FMN1: variants seen among roughly 807,000 people sequenced by gnomAD.
The protein encoded by FMN1 is formin-1.
FMN1 carries 110 observed loss-of-function variants against 132.4 expected under a neutral mutation model. That is an observed-to-expected ratio of 0.83 (90% CI 0.71 to 0.97). The LOEUF (loss-of-function observed/expected upper bound fraction) is 0.97. Ranked by LOEUF, FMN1 falls within the 50% of genes least tolerant of loss-of-function variation. FMN1 has a pLI of 0.00. For missense variants in FMN1, 1,792 were observed against 1,705.3 expected (o/e 1.05, Z -0.90); for synonymous variants, 722 against 651.7 (o/e 1.11, Z -1.64).
intron 4 of FMN1, among the ~76,000 whole-genome samples, chr15:33,123,161 C>T (rs901979596): frequency 2.6e-5 from 4 of 151,488 alleles, no homozygotes; most frequent in Non-Finnish European, 5.9e-5. Flanking sequence ...GCAATGTTTT[C>T]ACATCCATCC....
intron 4 of FMN1, among the ~76,000 whole-genome samples, chr15:33,135,108 CA>C (rs1238740246): frequency 6.6e-6 from 1 of 152,174 alleles, no homozygotes; most frequent in Non-Finnish European, 1.5e-5. Context: ...TTTCTCCCTT[CA>C]TATTATCTTC....
chr15:33,067,919 G>C (rs755979912), intron 5 of FMN1: 1 of 1,571,440 alleles, frequency 6.4e-7, no homozygotes, highest in Non-Finnish European at 8.6e-7. Flanking sequence ...GTTCTGACTT[G>C]TGTTACCTTC....
intron 6 of FMN1, among the ~76,000 whole-genome samples, chr15:33,041,454 G>T (rs553144210): frequency 8.3e-6 from 1 of 120,250 alleles, no homozygotes; most frequent in Admixed American, 9.6e-5. Context: ...GCTTTCTTTC[G>T]ACGTTCCTCA....
intron 19 of FMN1, 113 bp downstream of exon 19, chr15:32,798,691 C>T (rs1319001301): frequency 2.0e-6 from 2 of 1,023,208 alleles, no homozygotes; most frequent in African/African-American, 3.3e-5. Flanking sequence ...CCTATGACCA[C>T]TTCATCCGAA....
chr15:33,120,528 G>A (rs1208832088), intron 4 of FMN1, among the ~76,000 whole-genome samples: 1 of 152,142 alleles, frequency 6.6e-6, no homozygotes, highest in African/African-American at 2.4e-5. Context: ...CAAAAAATGA[G>A]AAAACCTCAT....
intron 18 of FMN1, among the ~76,000 whole-genome samples, chr15:32,803,093 T>G (rs1050316625): frequency 6.6e-6 from 1 of 152,186 alleles, no homozygotes; most frequent in African/African-American, 2.4e-5. Context: ...CTATGGGATT[T>G]CAGAAGTCTC....
chr15:32,977,087 ATACT>A (rs2032269662), intron 7 of FMN1, among the ~76,000 whole-genome samples: 1 of 152,248 alleles, frequency 6.6e-6, no homozygotes. Context: ...ATATCCAGTA[ATACT>A]AACTCATAAT....
At chr15:33,125,928 C>T (rs1458363283) in intron 4 of FMN1, among the ~76,000 whole-genome samples, 4 of 152,154 alleles carry the variant, frequency 2.6e-5, no homozygotes. Flanking sequence ...TTTCTAAAAA[C>T]CATCTCTAAC....
chr15:32,805,527 T>C (rs1298650251), intron 17 of FMN1, among the ~76,000 whole-genome samples: 1 of 152,252 alleles, frequency 6.6e-6, no homozygotes, highest in African/African-American at 2.4e-5. Context: ...TTATCTATTT[T>C]GGCTTTTGTT....
At chr15:32,914,932 GT>G (rs2060648842) in intron 10 of FMN1, among the ~76,000 whole-genome samples, 1 of 152,224 alleles carries the variant, frequency 6.6e-6, no homozygotes, top group Admixed American at 6.5e-5. Flanking sequence ...GGTAAAAGAA[GT>G]AGATAAACAG....
intron 4 of FMN1, among the ~76,000 whole-genome samples, 169 bp downstream of exon 4, chr15:33,152,879 C>T (rs985484777): frequency 2.0e-5 from 3 of 151,440 alleles, no homozygotes; most frequent in Non-Finnish European, 4.4e-5. Flanking sequence ...CCATCCTAAT[C>T]ATCTCCACAC....
intron 19 of FMN1, among the ~76,000 whole-genome samples, chr15:32,785,229 T>TTTTTTTTTG (rs2056835438): frequency 8.6e-6 from 1 of 116,692 alleles, no homozygotes; most frequent in African/African-American, 3.2e-5. Flanking sequence ...TTTTTTTTTT[T>TTTTTTTTTG]TTTTTTTTGT....
chr15:33,145,416 A>C (rs1009735861), intron 4 of FMN1, among the ~76,000 whole-genome samples: 1 of 151,868 alleles, frequency 6.6e-6, no homozygotes, highest in Non-Finnish European at 1.5e-5. Flanking sequence ...CCAAGTCTGT[A>C]CATCCTGTTA....
At chr15:33,011,046 T>G (rs978972652) in intron 6 of FMN1, among the ~76,000 whole-genome samples, 1 of 152,158 alleles carries the variant, frequency 6.6e-6, no homozygotes, top group South Asian at 2.1e-4. Flanking sequence ...GAGCCCATTC[T>G]AAAATGCATG....
chr15:32,830,630 G>C (rs141914217), intron 17 of FMN1, among the ~76,000 whole-genome samples: 1 of 152,076 alleles, frequency 6.6e-6, no homozygotes, highest in Non-Finnish European at 1.5e-5. Context: ...CTTCCCTCTC[G>C]TATCAGCTAA....
At chr15:32,943,362 C>A (rs1490358653) in intron 9 of FMN1, among the ~76,000 whole-genome samples, 1 of 152,202 alleles carries the variant, frequency 6.6e-6, no homozygotes, top group Non-Finnish European at 1.5e-5. Context: ...TGCCATCAAA[C>A]TAGTGTTATC....
At chr15:33,123,901 C>T (rs1276866914) in intron 4 of FMN1, among the ~76,000 whole-genome samples, 2 of 152,206 alleles carry the variant, frequency 1.3e-5, no homozygotes, top group Non-Finnish European at 2.9e-5. Context: ...TAAGGAATCT[C>T]TCTACATCTC....
chr15:33,122,000 T>C (rs1199035254), intron 4 of FMN1, among the ~76,000 whole-genome samples: 2 of 152,190 alleles, frequency 1.3e-5, no homozygotes, highest in African/African-American at 4.8e-5. Flanking sequence ...GCAAACAATA[T>C]GAAGAGGACA....
At chr15:32,843,490 A>G (rs988565783) in intron 17 of FMN1, among the ~76,000 whole-genome samples, 3 of 152,242 alleles carry the variant, frequency 2.0e-5, no homozygotes, top group African/African-American at 7.2e-5. Flanking sequence ...TCGTGAAGCC[A>G]AAGAGAATAT....
Sources: gnomAD v4.1 joint callset for allele counts (sites outside exome capture counted in the v4.1 genomes callset) on GRCh38, gnomAD v4.1.1 for gene constraint, MANE v1.5 for transcripts, NCBI Gene and HGNC (gene_info 2026-07-23, HGNC 2026-07-21) for gene names.